Variants in NPSR1 observed in about 807,000 individuals in gnomAD.
The protein encoded by NPSR1 is neuropeptide S receptor.
Under a neutral mutation model 46.9 loss-of-function variants are expected in NPSR1, and 48 were observed. That is an observed-to-expected ratio of 1.02 (90% CI 0.81 to 1.30). The LOEUF (loss-of-function observed/expected upper bound fraction) is 1.30. Among genes scored for constraint, NPSR1 ranks in the 50% most tolerant of loss-of-function variants. The pLI is 0.00. For synonymous variants in NPSR1, 176 were observed against 168.1 expected (o/e 1.05, Z -0.36); for missense variants, 450 against 449.5 (o/e 1.00, Z -0.01).
chr7:34,658,997 A>G (rs1246624134), intron 1 of NPSR1, among the ~76,000 whole-genome samples: 2 of 152,238 alleles, frequency 1.3e-5, no homozygotes, highest in African/African-American at 4.8e-5. Context: ...GAGAAACAAC[A>G]TTGAATAAGG....
chr7:34,811,751 CT>C lies in NPSR1; in HGVS notation c.385-18del. The stretch of plus-strand genomic sequence containing the variant: ...TCACCTCTCTGAAGTCATAAGCTTC[CT>C]CTCATTTCTGTCTTTAGGTTGTGCT... On this transcript the variant is annotated intron_variant, in intron 3 of 8. Coordinates refer to ENST00000360581, the MANE Select transcript of NPSR1 (RefSeq NM_207172.2). 1 of 1,566,176 alleles carries C rather than the reference CT, an allele frequency of 6.4e-7. No homozygotes were observed. Among genetic ancestry groups the C allele is most frequent in the Non-Finnish European group, 8.7e-7 (1 of 1,143,666 alleles).
intron 8 of NPSR1, among the ~76,000 whole-genome samples, chr7:34,877,864 AG>A (rs909419860): frequency 7.9e-5 from 12 of 152,184 alleles, no homozygotes; most frequent in African/African-American, 2.9e-4. Flanking sequence ...CCCAGCCCTT[AG>A]GGAAGAGTTG....
At chr7:34,767,866 T>C (rs993267873) in intron 2 of NPSR1, among the ~76,000 whole-genome samples, 1 of 152,138 alleles carries the variant, frequency 6.6e-6, no homozygotes, top group Admixed American at 6.5e-5. Context: ...GTGGAAAATA[T>C]ATGAACATAT....
chr7:34,710,802 A>G, intron 2 of NPSR1: 1 of 514,358 alleles, frequency 1.9e-6, no homozygotes, highest in Non-Finnish European at 3.6e-6. Context: ...TGTGCCAGAA[A>G]CCCTTAAGAA....
In NPSR1 at chr7:34,811,759, T is replaced by C. The variant is rs372055049; in HGVS notation, c.385-11T>C. The C allele has an allele frequency of 3.6e-5, 58 of 1,590,980 alleles. 2 individuals carry two copies. Among genetic ancestry groups the C allele is most frequent in the Admixed American group, 3.5e-5 (2 of 56,980 alleles). Reference sequence around the variant, plus strand: ...CTGAAGTCATAAGCTTCCTCTCATTTCTGTCTTTAGGTTGTGCTGCTCTAC... The same window carrying C: ...CTGAAGTCATAAGCTTCCTCTCATTCCTGTCTTTAGGTTGTGCTGCTCTAC... On this transcript the variant is annotated splice_polypyrimidine_tract_variant and intron_variant, in intron 3 of 8. Coordinates refer to ENST00000360581, the MANE Select transcript of NPSR1 (RefSeq NM_207172.2).
chr7:34,723,682 C>CT (rs1203707784), intron 2 of NPSR1, among the ~76,000 whole-genome samples: 2 of 151,876 alleles, frequency 1.3e-5, no homozygotes, highest in Admixed American at 6.6e-5. Flanking sequence ...TCTATCCAGC[C>CT]TTTTTTTGAG....
chr7:34,679,458 AAG>A (rs1237252440), intron 1 of NPSR1, among the ~76,000 whole-genome samples: 1 of 151,616 alleles, frequency 6.6e-6, no homozygotes, highest in Non-Finnish European at 1.5e-5. Context: ...TCAAGGCAAA[AAG>A]AGTTATGAAA....
chr7:34,750,350 T>G, intron 2 of NPSR1: 1 of 726,598 alleles, frequency 1.4e-6, no homozygotes, highest in Non-Finnish European at 2.6e-6. Flanking sequence ...CTCACTTGAC[T>G]CATCACTTGA....
At chr7:34,773,954 C>G (rs1024736495) in intron 2 of NPSR1, among the ~76,000 whole-genome samples, 4 of 152,190 alleles carry the variant, frequency 2.6e-5, no homozygotes, top group Non-Finnish European at 5.9e-5. Context: ...CCACATGTCT[C>G]TGTCTCAGAC....
intron 1 of NPSR1, among the ~76,000 whole-genome samples, chr7:34,668,747 G>A (rs1791886355): frequency 6.6e-6 from 1 of 152,198 alleles, no homozygotes; most frequent in Admixed American, 6.5e-5. Context: ...GAAGTCAGAA[G>A]AGCAAGAGCT....
At chr7:34,876,952 G>C (rs1486016997) in intron 8 of NPSR1, among the ~76,000 whole-genome samples, 1 of 152,210 alleles carries the variant, frequency 6.6e-6, no homozygotes, top group Non-Finnish European at 1.5e-5. Context: ...AGGCCTGGGA[G>C]TCACGGCTGC....
At chr7:34,869,486 G>C (rs1990025) in intron 8 of NPSR1, among the ~76,000 whole-genome samples, 150,599 of 151,650 alleles carry the variant, frequency 0.99, 74,785 homozygotes, top group East Asian at 1. Context: ...TGTCACCAGT[G>C]TCACCTCACT....
chr7:34,664,629 T>A (rs1407828078), intron 1 of NPSR1, among the ~76,000 whole-genome samples: 9 of 139,256 alleles, frequency 6.5e-5, no homozygotes, highest in African/African-American at 2.7e-4. Context: ...AAAAAAAAAA[T>A]GAGACCATGA....
chr7:34,845,615 C>T (rs913878638), intron 7 of NPSR1: 3 of 455,732 alleles, frequency 6.6e-6, no homozygotes, highest in Admixed American at 4.7e-5. Flanking sequence ...TATCCTTTTT[C>T]TAGTCTTTAC....
intron 2 of NPSR1, among the ~76,000 whole-genome samples, chr7:34,764,974 A>G (rs1786362316): frequency 6.6e-6 from 1 of 152,196 alleles, no homozygotes; most frequent in South Asian, 2.1e-4. Flanking sequence ...GCAGTATTAC[A>G]GCAAAACAGG....
chr7:34,786,715 AGT>A (rs1255732530), intron 3 of NPSR1, among the ~76,000 whole-genome samples: 1 of 152,158 alleles, frequency 6.6e-6, no homozygotes, highest in African/African-American at 2.4e-5. Flanking sequence ...AATGAAGACA[AGT>A]TTAATCTTTT....
chr7:34,785,947 T>C (rs895465857), intron 3 of NPSR1, among the ~76,000 whole-genome samples: 1 of 152,142 alleles, frequency 6.6e-6, no homozygotes, highest in Non-Finnish European at 1.5e-5. Flanking sequence ...TGTTGGAAGG[T>C]CTTGCTTTGA....
intron 2 of NPSR1, among the ~76,000 whole-genome samples, chr7:34,712,560 C>A (rs997436673): frequency 6.6e-6 from 1 of 152,188 alleles, no homozygotes; most frequent in Non-Finnish European, 1.5e-5. Flanking sequence ...AAATTAAGAA[C>A]CACTATTCTA....
chr7:34,721,223 C>G lies in NPSR1; in HGVS notation c.280+36539C>G, dbSNP rs547074821. 2.8e-4 allele frequency among the ~76,000 whole-genome samples: 42 copies of G among 152,172 alleles called. No homozygotes were observed. The Middle Eastern group carries it at 0.01, about 37-fold the overall frequency. ...ATGTTGCATAACACCCAATCCATTC[C>G]TGGAAAGACAAATTTGAGATGCATT... On this transcript the variant is annotated intron_variant, in intron 2 of 8. Coordinates refer to ENST00000360581, the MANE Select transcript of NPSR1 (RefSeq NM_207172.2).
Sources: allele counts gnomAD v4.1 joint callset (sites outside exome capture counted in the v4.1 genomes callset), GRCh38; gene constraint gnomAD v4.1.1; transcripts MANE v1.5; gene names NCBI Gene and HGNC (gene_info 2026-07-23, HGNC 2026-07-21).